Variants in USP30 observed in about 807,000 individuals in gnomAD.
USP30 encodes the protein ubiquitin carboxyl-terminal hydrolase 30.
Under a neutral mutation model 68.2 loss-of-function variants are expected in USP30, and 41 were observed. The ratio of observed to expected loss-of-function variants is 0.60; its 90% CI spans 0.47 to 0.78. The LOEUF is 0.78. Among genes scored for constraint, USP30 ranks in the 30% least tolerant of loss-of-function variants. The pLI, the probability that USP30 is intolerant of heterozygous loss-of-function variation, is 0.00. For missense variants in USP30, 522 were observed against 649.4 expected (o/e 0.80, Z 2.13); for synonymous variants, 229 against 253.7 (o/e 0.90, Z 0.93).
intron 3 of USP30, among the ~76,000 whole-genome samples, chr12:109,046,793 T>C (rs563610023): frequency 6.6e-6 from 1 of 152,026 alleles, no homozygotes; most frequent in East Asian, 1.9e-4. Flanking sequence ...ACCTCCCAGG[T>C]TCAAGCAATC....
intron 3 of USP30, among the ~76,000 whole-genome samples, chr12:109,034,657 C>T (rs1017352510): frequency 2.0e-5 from 3 of 152,312 alleles, no homozygotes; most frequent in African/African-American, 7.2e-5. Flanking sequence ...GTGTTGTTCA[C>T]GTCTGCTATT....
At chr12:109,038,386 G>A (rs931140147) in intron 3 of USP30, among the ~76,000 whole-genome samples, 1 of 151,970 alleles carries the variant, frequency 6.6e-6, no homozygotes, top group African/African-American at 2.4e-5. Context: ...GTACCACATT[G>A]TCTGTATCCA....
chr12:109,042,025 AT>A (rs1420941788), intron 3 of USP30, among the ~76,000 whole-genome samples: 1 of 152,044 alleles, frequency 6.6e-6, no homozygotes, highest in East Asian at 1.9e-4. Flanking sequence ...GAAAATTAAA[AT>A]TACTAGTAAT....
intron 3 of USP30, among the ~76,000 whole-genome samples, 194 bp downstream of exon 3, chr12:109,058,302 G>A (rs2094514657): frequency 6.6e-6 from 1 of 152,164 alleles, no homozygotes; most frequent in Admixed American, 6.5e-5. Context: ...CGGGTGCAGT[G>A]GCTCATGCCT....
At chr12:109,075,818 A>C (rs1593283102) in intron 7 of USP30, among the ~76,000 whole-genome samples, 1 of 137,558 alleles carries the variant, frequency 7.3e-6, no homozygotes. Flanking sequence ...TCCTTTGCCC[A>C]TTTTTTAATC....
chr12:109,043,253 G>C (rs922086177), intron 3 of USP30, among the ~76,000 whole-genome samples: 2 of 152,102 alleles, frequency 1.3e-5, no homozygotes, highest in African/African-American at 4.8e-5. Flanking sequence ...TTCTAAATTC[G>C]TGTGGACTCT....
At chr12:109,028,001 A>G (rs2040456440) in intron 3 of USP30, among the ~76,000 whole-genome samples, 2 of 152,214 alleles carry the variant, frequency 1.3e-5, no homozygotes, top group Admixed American at 6.5e-5. Flanking sequence ...ACCATTTTAC[A>G]TTCCCACCAG....
At chr12:109,052,197 C>T (rs148176974), upstream of USP30, among the ~76,000 whole-genome samples, 321 of 152,302 alleles carry the variant, frequency 2.1e-3, 5 homozygotes, top group Admixed American at 0.016. Flanking sequence ...CTGATATCGT[C>T]AGAGATGGGC....
chr12:109,046,621 C>T (rs1427484190), intron 3 of USP30, among the ~76,000 whole-genome samples: 5 of 152,292 alleles, frequency 3.3e-5, no homozygotes, highest in Non-Finnish European at 4.4e-5. Flanking sequence ...TAAACTTAAC[C>T]ATCACACCCA....
chr12:109,045,715 C>A (rs1385071729), intron 3 of USP30, among the ~76,000 whole-genome samples: 1 of 152,114 alleles, frequency 6.6e-6, no homozygotes, highest in Non-Finnish European at 1.5e-5. Context: ...TTGTCGGTAA[C>A]AAGTTTTGGC....
chr12:109,074,443 A>G (rs2135788026), intron 7 of USP30, among the ~76,000 whole-genome samples: 1 of 152,308 alleles, frequency 6.6e-6, no homozygotes, highest in East Asian at 1.9e-4. Flanking sequence ...CTTTTAAGGA[A>G]CTGCCAGACT....
At chr12:109,031,824 C>T (rs542041825) in intron 3 of USP30, among the ~76,000 whole-genome samples, 8 of 152,124 alleles carry the variant, frequency 5.3e-5, no homozygotes, top group African/African-American at 1.7e-4. Context: ...AAGGTAGAGA[C>T]GAGGTGTGAT....
chr12:109,056,198 TG>T, intron 1 of USP30, among the ~76,000 whole-genome samples: 2 of 152,212 alleles, frequency 1.3e-5, no homozygotes, highest in East Asian at 1.9e-4. Flanking sequence ...TTGTTGTTGT[TG>T]TTGTTTTTTA....
intron 9 of USP30, 35 bp from the exon 10 acceptor site, chr12:109,082,627 AG>A (rs1170760499): frequency 6.2e-7 from 1 of 1,602,770 alleles, no homozygotes; most frequent in Admixed American, 1.7e-5. Context: ...GTCCTATTTT[AG>A]GCATTGCTGC....
At position 109,087,832 on chromosome 12, in the gene USP30, T is replaced by G. The variant is rs1203295316; in HGVS notation, c.*1901T>G. The G allele has an allele frequency of 2.5e-5, 4 of 162,374 alleles. No individual in the cohort carries two copies. The highest frequency in any genetic ancestry group is 5.3e-5 in the Non-Finnish European group (4 of 74,888). 10.1% of individuals were successfully genotyped at this position (162,374 alleles called of 1,614,324 possible). ...AACCTGACTTCTTCATTTTGTAAAT[T>G]ATTATGCATTAAGTAGCAGCCCAAT... On this transcript the variant is annotated 3_prime_UTR_variant, in exon 13 of 13. Transcript: ENST00000257548.
Position 109,052,643 on chromosome 12 carries a change from C to G in USP30, c.-36C>G, listed in dbSNP as rs749364866. 2 of 1,462,332 alleles carry G rather than the reference C, an allele frequency of 1.4e-6. No homozygotes were observed. Among genetic ancestry groups the G allele is most frequent in the Non-Finnish European group, 1.8e-6 (2 of 1,113,652 alleles). The allele number at this position is 1,462,332 out of a possible 1,614,324, so 90.6% of individuals were successfully genotyped here. The stretch of plus-strand genomic sequence containing the variant: ...GGTCCGGCGGCGGCGGCGGCGGTAG[C>G]GGAGGAGACGGTTTCAGGCCTCCGG... On this transcript the variant is annotated 5_prime_UTR_variant, in exon 1 of 13. Transcript: ENST00000257548.
intron 3 of USP30, among the ~76,000 whole-genome samples, chr12:109,032,287 G>T (rs1272932297): frequency 6.6e-6 from 1 of 152,100 alleles, no homozygotes; most frequent in Non-Finnish European, 1.5e-5. Context: ...CTGGGAGATA[G>T]AATGATACTG....
intron 3 of USP30, among the ~76,000 whole-genome samples, chr12:109,031,161 T>C (rs534859727): frequency 6.6e-6 from 1 of 152,322 alleles, no homozygotes; most frequent in South Asian, 2.1e-4. Flanking sequence ...ATAAACATGT[T>C]CAATGTCTAT....
rs1346312173 is a variant in USP30 at position 109,082,851 on chromosome 12, G to C, written c.957G>C (p.Gln319His). 5.0e-6 allele frequency: 8 copies of C among 1,613,764 alleles called. No individual in the cohort carries two copies. In the East Asian group the frequency reaches 1.8e-4, roughly 36 times the overall value. ...TTCTCTTCCACCCGCAGCTCCCTCAGTGTCTCTGCATCCACCTACAGCGGC... is the reference window on the plus strand; with the variant it reads ...TTCTCTTCCACCCGCAGCTCCCTCACTGTCTCTGCATCCACCTACAGCGGC... ...VKQLKLGKLPQCLCIHLQRLS... is the reference protein window; with the variant it reads ...VKQLKLGKLPHCLCIHLQRLS... The change falls in exon 11 of 13, where the codon CAG becomes CAC. Residue 319 changes from glutamine to histidine, a missense_variant. Transcript: ENST00000257548.
Sources: allele counts gnomAD v4.1 joint callset (sites outside exome capture counted in the v4.1 genomes callset), GRCh38; gene constraint gnomAD v4.1.1; transcripts MANE v1.5; gene names NCBI Gene and HGNC (gene_info 2026-07-23, HGNC 2026-07-21).